The following PRDM15 variants were observed in gnomAD, a reference collection of about 807,000 sequenced individuals.
PRDM15 encodes PR domain zinc finger protein 15.
A neutral mutation model predicts 128.6 loss-of-function variants in PRDM15; 64 were observed. That is an observed-to-expected ratio of 0.50 (90% CI 0.41 to 0.61). PRDM15 has a LOEUF of 0.61. PRDM15 is among the 20% of genes least tolerant of loss of function. PRDM15 has a pLI of 0.00. For synonymous variants in PRDM15, 615 were observed against 621.8 expected (o/e 0.99, Z 0.16); for missense variants, 1,242 against 1,569.1 (o/e 0.79, Z 3.52).
At chr21:41,850,834 G>C (rs2063406565) in intron 5 of PRDM15, among the ~76,000 whole-genome samples, 3 of 152,210 alleles carry the variant, frequency 2.0e-5, no homozygotes, top group Non-Finnish European at 2.9e-5. Flanking sequence ...TGCTCCTTCA[G>C]TACAAAACCA....
Position 41,836,638 on chromosome 21 carries a change from T to C in PRDM15, c.1013A>G (p.His338Arg), listed in dbSNP as rs1363137431. 6.2e-7 allele frequency: 1 copy of C among 1,602,036 alleles called. No individual in the cohort carries two copies. Among genetic ancestry groups the C allele is most frequent in the Non-Finnish European group, 8.5e-7 (1 of 1,170,542 alleles). ...DTSSVPKFTH[H>R]QNNTITLKRS... ...CTTGAGCGTGATGGTGTTATTCTGA[T>C]GATGGGTGAACCTGCCCAGGGACGT... Residue 338 changes from histidine to arginine, a missense_variant, in exon 9 of 24, where the codon CAT (histidine) becomes CGT (arginine). By Grantham distance (29) the His-to-Arg change is conservative. Around this residue, in one of 3 missense-constraint regions of PRDM15, gnomAD observed 612 missense variants for 717.0 expected, o/e 0.85. Coordinates refer to ENST00000398548, the MANE Select transcript of PRDM15 (RefSeq NM_001040424.3).
At chr21:41,844,009 T>C (rs973469880) in intron 6 of PRDM15, among the ~76,000 whole-genome samples, 1 of 151,470 alleles carries the variant, frequency 6.6e-6, no homozygotes, top group Non-Finnish European at 1.5e-5. Flanking sequence ...ACTGGTGGTT[T>C]GGTTTGGAAG....
chr21:41,836,428 G>A, intron 9 of PRDM15, 40 bp downstream of exon 9: 1 of 1,582,280 alleles, frequency 6.3e-7, no homozygotes, highest in Non-Finnish European at 8.6e-7. Context: ...CCCCAGTCCT[G>A]GCCCTGGCCC....
chr21:41,878,708 C>A, intron 1 of PRDM15: 1 of 1,572,694 alleles, frequency 6.4e-7, no homozygotes, highest in Non-Finnish European at 8.6e-7. Flanking sequence ...GACTCAGCTT[C>A]TCTAAACGCG....
In PRDM15 at chr21:41,839,731, C is replaced by T. The variant is rs371587258; in HGVS notation, c.763G>A (p.Glu255Lys). ...TTCTGTTCTTTGGTGGCAACATTCTCGCTCTCGGGCACTGCAGGGGGTTCC... is the reference window on the plus strand; with the variant it reads ...TTCTGTTCTTTGGTGGCAACATTCTTGCTCTCGGGCACTGCAGGGGGTTCC... The part of the protein sequence containing the change: ...RGEPPAVPES[E>K]NVATKEQKKK... Residue 255 changes from glutamate to lysine, a missense_variant, in exon 7 of 24, where the codon GAG becomes AAG. Physicochemically the swap from Glu to Lys is moderately conservative, Grantham distance 56. Transcript: ENST00000398548. The T allele has an allele frequency of 2.9e-5, 47 of 1,614,136 alleles. No individual in the cohort carries two copies. The East Asian group carries it at 7.6e-4, about 26-fold the overall frequency.
At chr21:41,838,651 G>C (rs1471757981) in intron 7 of PRDM15, among the ~76,000 whole-genome samples, 1 of 152,174 alleles carries the variant, frequency 6.6e-6, no homozygotes, top group Non-Finnish European at 1.5e-5. Flanking sequence ...ATATCTACCT[G>C]ACACGCTTTC....
intron 3 of PRDM15, among the ~76,000 whole-genome samples, chr21:41,858,124 G>A (rs1004253368): frequency 2.6e-5 from 4 of 152,254 alleles, no homozygotes; most frequent in African/African-American, 9.6e-5. Flanking sequence ...CAAGGGCCAT[G>A]GAAGTCCCAA....
Position 41,804,529 on chromosome 21 carries a change from C to T in PRDM15, c.2733+5G>A, listed in dbSNP as rs1331264665. 6.4e-7 allele frequency: 1 copy of T among 1,561,434 alleles called. No individual in the cohort carries two copies. The highest frequency in any genetic ancestry group is 1.9e-5 in the Admixed American group (1 of 51,762). On this transcript the variant is annotated splice_donor_5th_base_variant and intron_variant, in intron 22 of 23. Coordinates refer to ENST00000398548, the MANE Select transcript of PRDM15 (RefSeq NM_001040424.3). ...TCTGAGCCCCTGGGGCCCCATGCTG[C>T]TCACCTGGACGATGCCAATGGAGGA...
In PRDM15 at chr21:41,847,346, C is replaced by A. The variant is rs542538591; in HGVS notation, c.539-155G>T. On this transcript the variant is annotated intron_variant, in intron 5 of 23. Coordinates refer to ENST00000398548, the MANE Select transcript of PRDM15 (RefSeq NM_001040424.3). ...CTGTGGTCACTCCACATGACAGACA[C>A]CATTTTCAGAGCTTTACACACATGG... is the stretch of plus-strand genomic sequence containing the variant. Among the ~76,000 whole-genome samples, 3 of 152,260 alleles carry A rather than the reference C, an allele frequency of 2.0e-5. No homozygotes were observed. In the East Asian group the frequency reaches 5.8e-4, roughly 29 times the overall value.
Position 41,837,550 on chromosome 21 carries a change from G to A in PRDM15, c.1001+384C>T, listed in dbSNP as rs1051970885. ...AGGGGCTGGGGGAGGGGGCTGGAGC[G>A]GGTGCTTAGTGCGGACAGCGTTTCA... On this transcript the variant is annotated intron_variant, in intron 8 of 23. Transcript: ENST00000398548. 7.2e-5 allele frequency among the ~76,000 whole-genome samples: 11 copies of A among 152,052 alleles called. No individual in the cohort carries two copies. The East Asian group carries it at 1.3e-3, about 19-fold the overall frequency.
In PRDM15 at chr21:41,879,077, G is replaced by T; in HGVS notation, c.-10+193C>A. 1 of 1,131,948 alleles carries T rather than the reference G, an allele frequency of 8.8e-7. No homozygotes were observed. Among genetic ancestry groups the T allele is most frequent in the South Asian group, 1.9e-5 (1 of 51,734 alleles). The allele number at this position is 1,131,948 out of a possible 1,614,324, so 70.1% of individuals were successfully genotyped here. A position where few individuals can be genotyped will look rare whatever the true frequency, so the allele number is the denominator to read the frequency against. ...GGTTTTGACTCCGATCGCCAACGGT[G>T]CCCGCAGCCGGCGAATGTAACAAAG... is the stretch of plus-strand genomic sequence containing the variant. On this transcript the variant is annotated intron_variant, in intron 1 of 23. Coordinates refer to ENST00000398548, the MANE Select transcript of PRDM15 (RefSeq NM_001040424.3). The surrounding 1 kb of genome is among the most constrained non-coding windows in gnomAD (Gnocchi z 5.1).
chr21:41,817,966 C>A (rs1286379915), intron 18 of PRDM15, among the ~76,000 whole-genome samples: 2 of 152,248 alleles, frequency 1.3e-5, no homozygotes, highest in Non-Finnish European at 2.9e-5. Context: ...TTACCCCACA[C>A]CCCTTGCCTC....
At chr21:41,851,921 G>GT (rs1475349955) in intron 5 of PRDM15, among the ~76,000 whole-genome samples, 1 of 152,176 alleles carries the variant, frequency 6.6e-6, no homozygotes, top group African/African-American at 2.4e-5. Flanking sequence ...CCTTGTTTAG[G>GT]TTTAAGCTAT....
chr21:41,836,194 A>C lies in PRDM15; in HGVS notation c.1197T>G (p.Phe399Leu). 1 of 1,614,010 alleles carries C rather than the reference A, an allele frequency of 6.2e-7. No individual in the cohort carries two copies. Among genetic ancestry groups the C allele is most frequent in the Non-Finnish European group, 8.5e-7 (1 of 1,179,950 alleles). Residue 399 changes from phenylalanine (F) to leucine (L), a missense_variant, in exon 10 of 24, where the codon TTT (phenylalanine) becomes TTG (leucine). Phe to Leu is a conservative substitution (Grantham distance 22, BLOSUM62 0). Transcript: ENST00000398548. ...ACAATTTTGCACACTCTTCGCACTT[A>C]AACAGCTTGTCACCTGAGGAACCAA... ...RHVRSHGDKL[F>L]KCEECAKLFS...
At chr21:41,874,988 A>C (rs911519481) in intron 1 of PRDM15, 1 of 152,586 alleles carries the variant, frequency 6.6e-6, no homozygotes, top group Non-Finnish European at 1.5e-5. Context: ...CTGTCATCCC[A>C]GCACTTTGGG....
At chr21:41,834,472 C>G in intron 11 of PRDM15, 1 of 1,536,876 alleles carries the variant, frequency 6.5e-7, no homozygotes, top group Non-Finnish European at 8.8e-7. Flanking sequence ...ACAGAGCAGG[C>G]GGACAAGGAC....
In PRDM15 at chr21:41,810,430, G is replaced by A; in HGVS notation, c.2477-101C>T. 1 of 1,376,246 alleles carries A rather than the reference G, an allele frequency of 7.3e-7. No homozygotes were observed. Among genetic ancestry groups the A allele is most frequent in the South Asian group, 1.4e-5 (1 of 73,138 alleles). 85.3% of individuals were successfully genotyped at this position (1,376,246 alleles called of 1,614,324 possible). On this transcript the variant is annotated intron_variant, in intron 20 of 23. Coordinates refer to ENST00000398548, the MANE Select transcript of PRDM15 (RefSeq NM_001040424.3). This position sits in a 1 kb window ranked among gnomAD's most constrained non-coding sequence, Gnocchi z 6.4. ...GACCCTGGCCTGCTGGACGAGGCAA[G>A]AAGCCTGTCACGCCCCGCCCATCCT...
rs550505999 is a variant in PRDM15, at chr21:41,862,731, T to G, written c.-9-2359A>C. 6.6e-6 allele frequency among the ~76,000 whole-genome samples: 1 copy of G among 152,286 alleles called. No homozygotes were observed. Among genetic ancestry groups the G allele is most frequent in the East Asian group, 1.9e-4 (1 of 5,182 alleles). On this transcript the variant is annotated intron_variant, in intron 1 of 23. Coordinates refer to ENST00000398548, the MANE Select transcript of PRDM15 (RefSeq NM_001040424.3). The surrounding 1 kb of genome is among the most constrained non-coding windows in gnomAD (Gnocchi z 4.1). ...GAGCATCTTCAAAGTCTTTGCTGTC[T>G]TGGCAAAACTCCCTTTAACACTCAG...
chr21:41,876,991 C>A (rs939430791), intron 1 of PRDM15, among the ~76,000 whole-genome samples: 1 of 152,148 alleles, frequency 6.6e-6, no homozygotes, highest in African/African-American at 2.4e-5. Context: ...AGAAGAAAAT[C>A]TCTGCCTGGT....
Sources: allele counts gnomAD v4.1 joint callset (sites outside exome capture counted in the v4.1 genomes callset), GRCh38; gene constraint gnomAD v4.1.1; regional missense constraint gnomAD v4.1.1; non-coding constraint Gnocchi (gnomAD v3.1); transcripts MANE v1.5; gene names NCBI Gene and HGNC (gene_info 2026-07-23, HGNC 2026-07-21).